The following WWOX variants were observed in gnomAD, a reference collection of about 807,000 sequenced individuals.
WWOX encodes the protein WW domain containing oxidoreductase.
Under a neutral mutation model 46.2 loss-of-function variants are expected in WWOX, and 69 were observed. The ratio of observed to expected loss-of-function variants is 1.49; its 90% CI spans 1.23 to 1.82. The LOEUF (loss-of-function observed/expected upper bound fraction) is 1.82. WWOX is among the 40% of genes most tolerant of loss of function. WWOX has a pLI of 0.00. For synonymous variants in WWOX, 359 were observed against 202.6 expected (o/e 1.77, Z -6.56); for missense variants, 919 against 542.6 (o/e 1.69, Z -6.89).
intron 8 of WWOX, among the ~76,000 whole-genome samples, chr16:78,645,002 A>T (rs2046806475): frequency 6.6e-6 from 1 of 152,192 alleles, no homozygotes; most frequent in Non-Finnish European, 1.5e-5. Flanking sequence ...TGAGTTTAAG[A>T]TGAAGGAAAT....
intron 8 of WWOX, among the ~76,000 whole-genome samples, chr16:78,464,893 C>G (rs553876631): frequency 2.4e-4 from 37 of 152,280 alleles, no homozygotes; most frequent in African/African-American, 8.2e-4. Flanking sequence ...ATACCCGAGA[C>G]TGGGTAATTT....
intron 8 of WWOX, among the ~76,000 whole-genome samples, chr16:78,726,384 C>T (rs751315833): frequency 1.3e-4 from 20 of 151,926 alleles, no homozygotes; most frequent in South Asian, 2.1e-4. Context: ...CACCACCACA[C>T]GTGGCGTATT....
At chr16:78,642,583 C>G (rs1266802625) in intron 8 of WWOX, among the ~76,000 whole-genome samples, 1 of 152,132 alleles carries the variant, frequency 6.6e-6, no homozygotes, top group Non-Finnish European at 1.5e-5. Context: ...GATGAGATTT[C>G]CGGGCAAGTT....
chr16:79,211,485 C>T (rs927903995), intron 8 of WWOX, 123 bp from the exon 9 acceptor site: 29 of 1,285,826 alleles, frequency 2.3e-5, no homozygotes, highest in Non-Finnish European at 3.1e-5. Flanking sequence ...CTTTGCTATG[C>T]CAAGATCCAG....
At position 79,136,881 on chromosome 16, in the gene WWOX, TTA is replaced by T. The variant is rs2049991588; in HGVS notation, c.1057-74725_1057-74724del. ...CATATTTGTTACATGCAATATGAAA[TTA>T]TGTGTAAACTGTCCAACCTGCAGGA... On this transcript the variant is annotated intron_variant, in intron 8 of 8. Coordinates refer to ENST00000566780, the MANE Select transcript of WWOX (RefSeq NM_016373.4). 2.6e-5 allele frequency among the ~76,000 whole-genome samples: 4 copies of T among 152,328 alleles called. No individual in the cohort carries two copies. The South Asian group carries it at 8.3e-4, about 32-fold the overall frequency.
In WWOX at chr16:79,068,466, G is replaced by A. The variant is rs534871199; in HGVS notation, c.1057-143142G>A. 1.8e-4 allele frequency among the ~76,000 whole-genome samples: 27 copies of A among 152,094 alleles called. No homozygotes were observed. The South Asian group carries it at 3.7e-3, about 21-fold the overall frequency. On this transcript the variant is annotated intron_variant, in intron 8 of 8. Transcript: ENST00000566780. The stretch of plus-strand genomic sequence containing the variant: ...CCTGAATGCACAATCATATGTTCAC[G>A]TGCCACATGGTTTTCAGAAAGCACT...
chr16:79,116,876 G>T lies in WWOX; in HGVS notation c.1057-94732G>T, dbSNP rs139986090. 4.3e-4 allele frequency among the ~76,000 whole-genome samples: 65 copies of T among 151,964 alleles called. 1 individual carries two copies. The East Asian group carries it at 7.4e-3, about 17-fold the overall frequency. ...AATACAGTATCTGTGGCACCTGTAG[G>T]CTTCTAAAATGTATTTCTTTAATAA... On this transcript the variant is annotated intron_variant, in intron 8 of 8. Transcript: ENST00000566780.
intron 5 of WWOX, among the ~76,000 whole-genome samples, chr16:78,385,397 C>T (rs779971203): frequency 1.2e-4 from 19 of 152,148 alleles, no homozygotes; most frequent in Admixed American, 2.6e-4. Flanking sequence ...ATTTGTCTTC[C>T]AGACAGGATG....
At chr16:78,606,054 G>C (rs940988659) in intron 8 of WWOX, among the ~76,000 whole-genome samples, 4 of 152,132 alleles carry the variant, frequency 2.6e-5, no homozygotes, top group African/African-American at 9.7e-5. Context: ...TCTGCTACGA[G>C]GGATGCCCTC....
At chr16:79,077,697 TACCAG>T (rs1358492135) in intron 8 of WWOX, among the ~76,000 whole-genome samples, 3 of 150,490 alleles carry the variant, frequency 2.0e-5, no homozygotes, top group Non-Finnish European at 3.0e-5. Context: ...TCTAATGAAA[TACCAG>T]CAAGAATTGT....
intron 8 of WWOX, among the ~76,000 whole-genome samples, chr16:78,758,865 T>C (rs551539796): frequency 3.3e-5 from 5 of 151,798 alleles, no homozygotes; most frequent in African/African-American, 1.2e-4. Context: ...AGATTTTGTG[T>C]TCAAGATTTG....
At chr16:79,178,131 T>C (rs2050838116) in intron 8 of WWOX, among the ~76,000 whole-genome samples, 1 of 152,218 alleles carries the variant, frequency 6.6e-6, no homozygotes, top group Non-Finnish European at 1.5e-5. Flanking sequence ...GAGATTCCTT[T>C]TCAACGCTTG....
At chr16:78,303,347 G>A (rs780611986) in intron 5 of WWOX, among the ~76,000 whole-genome samples, 19 of 152,048 alleles carry the variant, frequency 1.2e-4, no homozygotes, top group Non-Finnish European at 1.8e-4. Flanking sequence ...GGCCTGATGC[G>A]CTTTAGGTAC....
At chr16:78,829,903 A>G (rs2151156187) in intron 8 of WWOX, among the ~76,000 whole-genome samples, 1 of 152,310 alleles carries the variant, frequency 6.6e-6, no homozygotes, top group African/African-American at 2.4e-5. Flanking sequence ...GCCTCTTCTA[A>G]ATACCATCTG....
chr16:78,276,436 A>G (rs2079580319), intron 5 of WWOX, among the ~76,000 whole-genome samples: 1 of 152,232 alleles, frequency 6.6e-6, no homozygotes, highest in Admixed American at 6.5e-5. Flanking sequence ...CTGTGTGTCC[A>G]CAGCGATGTC....
At chr16:78,440,707 C>T (rs1327658568) in intron 8 of WWOX, among the ~76,000 whole-genome samples, 1 of 151,980 alleles carries the variant, frequency 6.6e-6, no homozygotes, top group Non-Finnish European at 1.5e-5. Context: ...ACCTCCGCGC[C>T]TCCCCAGTTC....
In WWOX at chr16:79,021,373, C is replaced by T. The variant is rs2550714; in HGVS notation, c.1057-190235C>T. 4.1e-3 allele frequency among the ~76,000 whole-genome samples: 631 copies of T among 152,250 alleles called. 2 individuals carry two copies. Among genetic ancestry groups the T allele is most frequent in the African/African-American group, 0.014 (590 of 41,564 alleles). ...GGAATCATCACCTGTTTTTGTGTCA[C>T]GGACCCCTTGGGCATTTGGTGCCCT... On this transcript the variant is annotated intron_variant, in intron 8 of 8. Transcript: ENST00000566780.
intron 8 of WWOX, among the ~76,000 whole-genome samples, chr16:79,181,250 A>C (rs1208084667): frequency 1.3e-5 from 2 of 152,194 alleles, no homozygotes; most frequent in African/African-American, 4.8e-5. Flanking sequence ...AGACATACGG[A>C]ACACGTATAG....
At chr16:78,190,038 G>C (rs977946243) in intron 5 of WWOX, among the ~76,000 whole-genome samples, 1 of 152,156 alleles carries the variant, frequency 6.6e-6, no homozygotes, top group Non-Finnish European at 1.5e-5. Flanking sequence ...TCCAGCACAT[G>C]TGTCCACACT....
Sources: allele counts gnomAD v4.1 joint callset (sites outside exome capture counted in the v4.1 genomes callset), GRCh38; gene constraint gnomAD v4.1.1; transcripts MANE v1.5; gene names NCBI Gene and HGNC (gene_info 2026-07-23, HGNC 2026-07-21).